Variants in PHACTR4 observed in about 807,000 individuals in gnomAD.
PHACTR4 encodes the protein protein phosphatase 1, regulatory subunit 124.
A neutral mutation model predicts 72.7 loss-of-function variants in PHACTR4; 51 were observed. The observed-to-expected ratio is 0.70, with a 90% CI of 0.56 to 0.89. PHACTR4 has a LOEUF of 0.89. Ranked by LOEUF, PHACTR4 falls within the 40% of genes least tolerant of loss-of-function variation. The pLI, the probability that PHACTR4 is intolerant of heterozygous loss-of-function variation, is 0.00. For synonymous variants in PHACTR4, 255 were observed against 302.5 expected (o/e 0.84, Z 1.63); for missense variants, 731 against 861.8 (o/e 0.85, Z 1.90).
intron 2 of PHACTR4, among the ~76,000 whole-genome samples, chr1:28,409,081 C>T (rs1001771199): frequency 2.6e-5 from 4 of 150,994 alleles, no homozygotes; most frequent in African/African-American, 7.3e-5. Flanking sequence ...GCCTTTTTGG[C>T]GATAAAGTCA....
intron 13 of PHACTR4, among the ~76,000 whole-genome samples, chr1:28,496,198 AG>A (rs1272274319): frequency 6.6e-6 from 1 of 151,850 alleles, no homozygotes; most frequent in Non-Finnish European, 1.5e-5. Flanking sequence ...CTGGGACTAC[AG>A]GTGCGCGCCA....
intron 13 of PHACTR4, chr1:28,494,112 G>A (rs11808047): frequency 0.1 from 15,762 of 151,764 alleles, 1,891 homozygotes; most frequent in African/African-American, 0.3. Context: ...CTGTAATCTC[G>A]ACACTTTGAG....
At chr1:28,469,147 G>A (rs1659404555) in intron 6 of PHACTR4, among the ~76,000 whole-genome samples, 1 of 152,094 alleles carries the variant, frequency 6.6e-6, no homozygotes, top group Admixed American at 6.6e-5. Context: ...ATCCTTTGGT[G>A]TTAAAATGCC....
chr1:28,484,716 C>A (rs964472655), intron 9 of PHACTR4, among the ~76,000 whole-genome samples: 1 of 151,570 alleles, frequency 6.6e-6, no homozygotes, highest in African/African-American at 2.4e-5. Context: ...GCCTGTAATC[C>A]CAGCACTTTG....
chr1:28,417,643 T>C (rs1051254383), intron 2 of PHACTR4, among the ~76,000 whole-genome samples: 2 of 152,184 alleles, frequency 1.3e-5, no homozygotes, highest in Admixed American at 6.5e-5. Context: ...TTACAAGTTA[T>C]TTATTTCTAG....
intron 2 of PHACTR4, among the ~76,000 whole-genome samples, chr1:28,456,624 A>C (rs906765697): frequency 2.7e-5 from 4 of 147,264 alleles, no homozygotes; most frequent in African/African-American, 7.9e-5. Context: ...ACCCTGCCCA[A>C]CTAATTTTTT....
chr1:28,408,624 G>A (rs1465073054), intron 2 of PHACTR4, among the ~76,000 whole-genome samples: 1 of 151,576 alleles, frequency 6.6e-6, no homozygotes, highest in Non-Finnish European at 1.5e-5. Context: ...TAATATATAT[G>A]TACGTGTGTG....
intron 2 of PHACTR4, among the ~76,000 whole-genome samples, chr1:28,414,427 C>CA (rs765271793): frequency 0.022 from 1,323 of 61,116 alleles, 33 homozygotes; most frequent in African/African-American, 0.048. Flanking sequence ...TCCTCTGTCT[C>CA]AAAAAAAAAA....
chr1:28,377,644 C>T (rs1384866996), intron 1 of PHACTR4, among the ~76,000 whole-genome samples: 1 of 152,014 alleles, frequency 6.6e-6, no homozygotes, highest in African/African-American at 2.4e-5. Flanking sequence ...GCCTGGCCAA[C>T]ATGGCAGAAC....
chr1:28,496,147 C>T (rs1187212192), intron 13 of PHACTR4, among the ~76,000 whole-genome samples: 1 of 150,100 alleles, frequency 6.7e-6, no homozygotes, highest in Admixed American at 6.7e-5. Flanking sequence ...AACTCCACCT[C>T]CCAGGTTCAC....
chr1:28,451,283 T>C (rs978353249), intron 2 of PHACTR4, among the ~76,000 whole-genome samples: 2 of 152,126 alleles, frequency 1.3e-5, no homozygotes, highest in Admixed American at 6.6e-5. Context: ...TATTCATCTG[T>C]CAGTTTCTCT....
chr1:28,427,647 C>T (rs969552791), intron 2 of PHACTR4, among the ~76,000 whole-genome samples: 1 of 152,220 alleles, frequency 6.6e-6, no homozygotes, highest in African/African-American at 2.4e-5. Flanking sequence ...TGAGGCCCTT[C>T]CGCTCACCCA....
intron 1 of PHACTR4, among the ~76,000 whole-genome samples, chr1:28,373,888 T>C (rs374121926): frequency 5.3e-5 from 8 of 152,168 alleles, no homozygotes; most frequent in Admixed American, 5.2e-4. Flanking sequence ...GTAGGAAATA[T>C]CAGAGTAAAC....
At chr1:28,487,786 A>T (rs1660793881) in intron 9 of PHACTR4, among the ~76,000 whole-genome samples, 1 of 118,422 alleles carries the variant, frequency 8.4e-6, no homozygotes, top group South Asian at 2.7e-4. Flanking sequence ...CCCAAGCAGG[A>T]GTGCAGTAGC....
chr1:28,490,655 G>C (rs1660976864), intron 10 of PHACTR4, among the ~76,000 whole-genome samples: 1 of 151,880 alleles, frequency 6.6e-6, no homozygotes, highest in South Asian at 2.1e-4. Context: ...AGACCAGCCT[G>C]ACCAATATGA....
intron 4 of PHACTR4, among the ~76,000 whole-genome samples, chr1:28,462,851 G>A (rs1658912199): frequency 6.6e-6 from 1 of 152,140 alleles, no homozygotes; most frequent in South Asian, 2.1e-4. Context: ...TTATAGATCT[G>A]CATTTTAGGC....
chr1:28,499,717 C>G lies in PHACTR4; in HGVS notation c.*3168C>G, dbSNP rs1661563603. 1 of 152,180 alleles carries G rather than the reference C, an allele frequency of 6.6e-6. No individual in the cohort carries two copies. The highest frequency in any genetic ancestry group is 2.4e-5 in the African/African-American group (1 of 41,434). 9.4% of individuals were successfully genotyped at this position (152,180 alleles called of 1,614,324 possible). ...TCTTGAACACCGGGGCTCAAGGAAT[C>G]TGCCCATCTTCGCCTCCCAAAGTTC... On this transcript the variant is annotated 3_prime_UTR_variant, in exon 14 of 14. Transcript: ENST00000373839.
At chr1:28,377,084 C>T (rs901211457) in intron 1 of PHACTR4, among the ~76,000 whole-genome samples, 5 of 151,568 alleles carry the variant, frequency 3.3e-5, no homozygotes, top group Admixed American at 6.6e-5. Flanking sequence ...CGCTCACCAC[C>T]ATGCCCGGCT....
intron 6 of PHACTR4, among the ~76,000 whole-genome samples, chr1:28,469,796 C>T (rs1185706577): frequency 6.6e-6 from 1 of 152,146 alleles, no homozygotes; most frequent in Non-Finnish European, 1.5e-5. Flanking sequence ...TGGCTCATGC[C>T]TGTAATCCCA....
Sources: gnomAD v4.1 joint callset for allele counts (sites outside exome capture counted in the v4.1 genomes callset) on GRCh38, gnomAD v4.1.1 for gene constraint, MANE v1.5 for transcripts, NCBI Gene and HGNC (gene_info 2026-07-23, HGNC 2026-07-21) for gene names.